PHKA2: variants seen among roughly 807,000 people sequenced by gnomAD.
PHKA2 encodes phosphorylase kinase regulatory subunit alpha 2, also known as phosphorylase b kinase regulatory subunit alpha, liver isoform.
A neutral mutation model predicts 102.0 loss-of-function variants in PHKA2; 31 were observed. That is an observed-to-expected ratio of 0.30 (90% CI 0.23 to 0.41). The LOEUF is 0.41. PHKA2 is among the 10% of genes least tolerant of loss of function. PHKA2 has a pLI of 1.00. For synonymous variants in PHKA2, 455 were observed against 416.2 expected (o/e 1.09, Z -1.13); for missense variants, 858 against 1,023.1 (o/e 0.84, Z 2.20).
chrX:18,954,407 G>A lies in PHKA2; in HGVS notation c.84C>T (p.Pro28=), dbSNP rs149538323. 19 of 1,208,972 alleles carry A rather than the reference G, an allele frequency of 1.6e-5. No individual in the cohort carries two copies. The highest frequency in any genetic ancestry group is 7.0e-5 in the African/African-American group (4 of 57,288). The change falls in exon 2 of 33, where the codon CCC becomes CCT. Residue 28 remains proline, a synonymous_variant. Coordinates refer to ENST00000379942, the MANE Select transcript of PHKA2 (RefSeq NM_000292.3). ...GGCTGGCTGACAGCAGCCCCGTGAC[G>A]GGATTCTATTAGAGAAGAGACACAA... ...VQQTILCYQN[P]VTGLLSASHE...
Position 18,924,134 on chromosome X carries a change from G to C in PHKA2, c.1715C>G (p.Thr572Arg). The C allele has an allele frequency of 1.7e-6, 2 of 1,195,151 alleles. No homozygotes were observed. Among genetic ancestry groups the C allele is most frequent in the Non-Finnish European group, 2.3e-6 (2 of 880,239 alleles). The part of the protein sequence containing the change: ...LTFPISRTML[T>R]NDGSDIHSAV... Reference sequence around the variant, plus strand: ...AGAATGAATGTCTGAGCCATCATTTGCTAAGGAAAAAAAGTGATGAATTAG... The same window carrying C: ...AGAATGAATGTCTGAGCCATCATTTCCTAAGGAAAAAAAGTGATGAATTAG... The change falls in exon 17 of 33, where the codon ACA becomes AGA. Residue 572 changes from threonine to arginine, a missense_variant and splice_region_variant. This residue lies in a region of PHKA2 where 671 missense variants were observed against 745.2 expected (regional missense o/e 0.90). Transcript: ENST00000379942.
intron 10 of PHKA2, 46 bp downstream of exon 10, chrX:18,938,581 A>C (rs1156362842): frequency 8.9e-7 from 1 of 1,128,930 alleles, no homozygotes; most frequent in Admixed American, 2.2e-5. Context: ...TCAGTATACC[A>C]GTGGAATGAA....
At chrX:18,973,710 T>C (rs1418206285) in intron 1 of PHKA2, among the ~76,000 whole-genome samples, 2 of 112,145 alleles carry the variant, frequency 1.8e-5, no homozygotes, top group Non-Finnish European at 3.8e-5. Context: ...TCTACAACAA[T>C]GGAGGCATTG....
chrX:18,953,751 C>T (rs868198497), intron 2 of PHKA2, among the ~76,000 whole-genome samples: 1 of 111,779 alleles, frequency 8.9e-6, no homozygotes, highest in Non-Finnish European at 1.9e-5. Flanking sequence ...CTTTGGGAGG[C>T]TGAGGTGGGC....
At position 18,924,436 on chromosome X, in the gene PHKA2, G is replaced by T; in HGVS notation, c.1659C>A (p.Cys553Ter). ...GTGTGGGTCTGCCCGTCATCCTCCA[G>T]CAGGTGCACAGGTAGGCCAGCTCGA... ...LRIELAYLCTCWRMTGRPTLT... is the reference protein window; with the variant it reads ...LRIELAYLCT The change falls in exon 16 of 33, where the codon TGC becomes TGA. Residue 553 changes from cysteine (C) to a stop codon, truncating the protein, a stop_gained. Transcript: ENST00000379942. LOFTEE classifies it high-confidence loss of function. 8.3e-7 allele frequency: 1 copy of T among 1,210,208 alleles called. No individual in the cohort carries two copies. Among genetic ancestry groups the T allele is most frequent in the South Asian group, 1.8e-5 (1 of 56,938 alleles).
intron 1 of PHKA2, among the ~76,000 whole-genome samples, chrX:18,975,418 A>G (rs911543349): frequency 4.5e-5 from 5 of 111,804 alleles, no homozygotes; most frequent in Non-Finnish European, 7.5e-5. Flanking sequence ...AGGCTTCCCC[A>G]GCCACGTGGA....
At chrX:18,980,922 C>T (rs183645485) in intron 1 of PHKA2, among the ~76,000 whole-genome samples, 61 of 111,708 alleles carry the variant, frequency 5.5e-4, no homozygotes, top group African/African-American at 1.8e-3. Flanking sequence ...GTAAATTGAT[C>T]TCAATTTAAA....
chrX:18,982,703 G>A (rs1239287383), intron 1 of PHKA2, among the ~76,000 whole-genome samples: 3 of 111,410 alleles, frequency 2.7e-5, no homozygotes, highest in Non-Finnish European at 3.8e-5. Context: ...GTGTGGTGGC[G>A]CACGCCTGTA....
chrX:18,900,554 T>C, intron 28 of PHKA2, 116 bp downstream of exon 28: 3 of 675,827 alleles, frequency 4.4e-6, no homozygotes, highest in Admixed American at 4.5e-5. Flanking sequence ...CCCAGCCCGT[T>C]TGCTGGATAG....
chrX:18,911,214 C>T (rs1292081025), intron 19 of PHKA2, among the ~76,000 whole-genome samples: 1 of 103,237 alleles, frequency 9.7e-6, no homozygotes, highest in Non-Finnish European at 2.0e-5. Context: ...CCTCTTGTTG[C>T]TCAGGTTGGA....
At chrX:18,964,128 T>C (rs1306081623) in intron 1 of PHKA2, among the ~76,000 whole-genome samples, 3 of 111,582 alleles carry the variant, frequency 2.7e-5, no homozygotes, top group African/African-American at 9.8e-5. Context: ...TCCAGCCTGA[T>C]CACCTGATCA....
chrX:18,936,210 G>T, intron 10 of PHKA2, 60 bp from the exon 11 acceptor site: 1 of 787,552 alleles, frequency 1.3e-6, no homozygotes, highest in Non-Finnish European at 1.9e-6. Flanking sequence ...TGCTGTAACA[G>T]CGGTGCAACA....
chrX:18,915,542 T>G (rs2048005823), intron 19 of PHKA2: 1 of 96,252 alleles, frequency 1.0e-5, no homozygotes, highest in Admixed American at 1.1e-4. Flanking sequence ...TGGCTAATCT[T>G]TTTTTTTTTT....
At position 18,906,546 on chromosome X, in the gene PHKA2, G is replaced by A. The variant is rs1178721227; in HGVS notation, c.2755C>T (p.Leu919=). Residue 919 remains leucine, a synonymous_variant, in exon 25 of 33, where the codon CTG becomes TTG. Coordinates refer to ENST00000379942, the MANE Select transcript of PHKA2 (RefSeq NM_000292.3). ...FVEMLRLRIG[L]IIQVMATELA... is the part of the protein sequence containing the mutation. ...TCCGTGGCCATCACCTGAATGATCA[G>A]TCCAATCCGGAGTCTCAGCATCTCC... is the stretch of plus-strand genomic sequence containing the variant. 1 of 1,210,586 alleles carries A rather than the reference G, an allele frequency of 8.3e-7. No homozygotes were observed. The highest frequency in any genetic ancestry group is 2.2e-5 in the Admixed American group (1 of 46,151).
chrX:18,956,345 A>C (rs955885872), intron 1 of PHKA2, among the ~76,000 whole-genome samples: 21 of 111,316 alleles, frequency 1.9e-4, no homozygotes, highest in African/African-American at 6.2e-4. Flanking sequence ...CAACGACATA[A>C]GCATCTTTAT....
At chrX:18,952,729 G>A (rs1037268106) in intron 2 of PHKA2, among the ~76,000 whole-genome samples, 188 bp from the exon 3 acceptor site, 5 of 112,199 alleles carry the variant, frequency 4.5e-5, no homozygotes, top group African/African-American at 1.3e-4. Context: ...GAAAAATCTC[G>A]ACAAAGTGAC....
chrX:18,907,334 C>T (rs1012475835), intron 22 of PHKA2, among the ~76,000 whole-genome samples: 8 of 112,479 alleles, frequency 7.1e-5, no homozygotes, highest in African/African-American at 1.3e-4. Flanking sequence ...AGCCTGGCTC[C>T]GAAGGGCCCG....
chrX:18,939,580 G>A (rs1347414275), intron 9 of PHKA2, among the ~76,000 whole-genome samples: 2 of 111,909 alleles, frequency 1.8e-5, no homozygotes, highest in Non-Finnish European at 3.8e-5. Flanking sequence ...TGCAAGCTCC[G>A]CCTCCCGGGT....
Position 18,926,555 on chromosome X carries a change from C to G in PHKA2, c.1357G>C (p.Asp453His). ...TTCACCCCGTGTTTCCTCAATAAGT[C>G]CTTAATGTGATTGTTTTCTGCCAAA... is the stretch of plus-strand genomic sequence containing the variant. ...TVLAENNHIKDLLRKHGVNVQ... is the reference protein window; with the variant it reads ...TVLAENNHIKHLLRKHGVNVQ... The change falls in exon 14 of 33, where the codon GAC (aspartate) becomes CAC (histidine). Residue 453 changes from aspartate to histidine, a missense_variant. Asp to His is a moderately conservative substitution (Grantham distance 81). Around this residue, in one of 2 missense-constraint regions of PHKA2, gnomAD observed 671 missense variants for 745.2 expected, o/e 0.90. Coordinates refer to ENST00000379942, the MANE Select transcript of PHKA2 (RefSeq NM_000292.3). 8.3e-7 allele frequency: 1 copy of G among 1,208,142 alleles called. No individual in the cohort carries two copies. Among genetic ancestry groups the G allele is most frequent in the Non-Finnish European group, 1.1e-6 (1 of 891,996 alleles).
Sources: allele counts gnomAD v4.1 joint callset (sites outside exome capture counted in the v4.1 genomes callset), GRCh38; gene constraint gnomAD v4.1.1; regional missense constraint gnomAD v4.1.1; transcripts MANE v1.5; gene names NCBI Gene and HGNC (gene_info 2026-07-23, HGNC 2026-07-21).